DLGAP4: variants seen among roughly 807,000 people sequenced by gnomAD.
The protein encoded by DLGAP4 is DLG associated protein 4, also known as disks large-associated protein 4.
A neutral mutation model predicts 86.9 loss-of-function variants in DLGAP4; 18 were observed. The ratio of observed to expected loss-of-function variants is 0.21; its 90% CI spans 0.14 to 0.31. DLGAP4 has a LOEUF of 0.31. Ranked by LOEUF, DLGAP4 falls within the 10% of genes least tolerant of loss-of-function variation. The probability of loss-of-function intolerance (pLI) is 1.00; values close to 1 mark genes in which losing one functional copy is unlikely to be tolerated. For synonymous variants in DLGAP4, 548 were observed against 574.3 expected, an observed-to-expected ratio of 0.95 and a Z score of 0.65; for missense variants, 1,085 against 1,362.6, an observed-to-expected ratio of 0.80 and a Z score of 3.21.
At chr20:36,340,780 G>A (rs891726433) in intron 1 of DLGAP4, among the ~76,000 whole-genome samples, 7 of 152,206 alleles carry the variant, frequency 4.6e-5, no homozygotes, top group East Asian at 1.9e-4. Context: ...CTGGTCCCTC[G>A]GGGGGCTGTC....
At chr20:36,438,268 G>A (rs1255935814) in intron 4 of DLGAP4, among the ~76,000 whole-genome samples, 1 of 151,852 alleles carries the variant, frequency 6.6e-6, no homozygotes, top group African/African-American at 2.4e-5. Flanking sequence ...CAGCTACTAG[G>A]GAGGCTGAGG....
intron 7 of DLGAP4, among the ~76,000 whole-genome samples, chr20:36,463,861 A>G (rs550950701): frequency 6.6e-6 from 1 of 152,258 alleles, no homozygotes; most frequent in Admixed American, 6.5e-5. Flanking sequence ...TGGTGCAGGG[A>G]ATGAGATCAG....
intron 12 of DLGAP4, 109 bp from the exon 13 acceptor site, chr20:36,526,704 G>A (rs1053230811): frequency 4.2e-5 from 42 of 1,002,632 alleles, no homozygotes; most frequent in East Asian, 1.1e-4. Flanking sequence ...TGCCCGATGC[G>A]GGGAGGCTGG....
intron 1 of DLGAP4, among the ~76,000 whole-genome samples, chr20:36,365,533 C>G (rs1304178522): frequency 6.6e-6 from 1 of 152,178 alleles, no homozygotes; most frequent in African/African-American, 2.4e-5. Flanking sequence ...GCTGCATCGT[C>G]CTGGAGTCAG....
chr20:36,375,617 C>T (rs2031122842), intron 2 of DLGAP4, among the ~76,000 whole-genome samples: 1 of 152,164 alleles, frequency 6.6e-6, no homozygotes. Flanking sequence ...GAGGTAAGTG[C>T]TGATCACTCA....
In DLGAP4 at chr20:36,361,740, A is replaced by G. The variant is rs1175220027; in HGVS notation, c.-303-5305A>G. Among the ~76,000 whole-genome samples, 3 of 152,236 alleles carry G rather than the reference A, an allele frequency of 2.0e-5. No individual in the cohort carries two copies. In the East Asian group the frequency reaches 5.8e-4, roughly 29 times the overall value. The stretch of plus-strand genomic sequence containing the variant: ...GTAATGCCAGCACTTTGGGAGGCTG[A>G]GGCAGGTGGAGCACTTGAGGTCAGG... On this transcript the variant is annotated intron_variant, in intron 1 of 12. Coordinates refer to ENST00000339266, the MANE Select transcript of DLGAP4 (RefSeq NM_001365621.2).
intron 1 of DLGAP4, among the ~76,000 whole-genome samples, chr20:36,330,355 CAGGCTAGAGCCA>C (rs1232899913): frequency 2.0e-5 from 3 of 152,002 alleles, no homozygotes; most frequent in Non-Finnish European, 4.4e-5. Context: ...CTCTATGCCC[CAGGCTAGAGCCA>C]AGGTTGGACT....
chr20:36,432,786 T>C lies in DLGAP4; in HGVS notation c.999+70T>C. 6.5e-7 allele frequency: 1 copy of C among 1,547,812 alleles called. No individual in the cohort carries two copies. The highest frequency in any genetic ancestry group is 8.8e-7 in the Non-Finnish European group (1 of 1,140,432). Reference sequence around the variant, plus strand: ...CGGCACCAGTTTTGAGGCCTAGACGTACCACAGATTCACTTGGAAAGTCAC... The same window carrying C: ...CGGCACCAGTTTTGAGGCCTAGACGCACCACAGATTCACTTGGAAAGTCAC... On this transcript the variant is annotated intron_variant, in intron 3 of 12. Transcript: ENST00000339266. The surrounding 1 kb of genome is among the most constrained non-coding windows in gnomAD (Gnocchi z 6.5).
chr20:36,307,981 T>G (rs1372483550), intron 1 of DLGAP4, among the ~76,000 whole-genome samples: 2 of 152,224 alleles, frequency 1.3e-5, no homozygotes, highest in Admixed American at 6.5e-5. Context: ...AGGGTGGGGC[T>G]GCAGAGCTGG....
chr20:36,494,812 G>A (rs1394683739), intron 7 of DLGAP4, among the ~76,000 whole-genome samples: 1 of 151,944 alleles, frequency 6.6e-6, no homozygotes, highest in Non-Finnish European at 1.5e-5. Flanking sequence ...TGTTCTCTAG[G>A]TCATTTCAAG....
At chr20:36,488,851 C>T (rs1221866137) in intron 7 of DLGAP4, among the ~76,000 whole-genome samples, 6 of 152,196 alleles carry the variant, frequency 3.9e-5, no homozygotes, top group African/African-American at 7.2e-5. Context: ...GGATTACAGG[C>T]GTGAGCCACT....
intron 7 of DLGAP4, among the ~76,000 whole-genome samples, chr20:36,489,194 G>C (rs991606069): frequency 2.0e-5 from 3 of 152,194 alleles, no homozygotes; most frequent in East Asian, 1.9e-4. Flanking sequence ...TGTGTGTAGC[G>C]GGCACATGTC....
chr20:36,343,460 T>A (rs2065404874), intron 1 of DLGAP4, among the ~76,000 whole-genome samples: 1 of 152,282 alleles, frequency 6.6e-6, no homozygotes, highest in East Asian at 1.9e-4. Flanking sequence ...AACTTTATGA[T>A]GTGCTCAAGG....
chr20:36,525,078 C>A (rs1290288063), intron 11 of DLGAP4, among the ~76,000 whole-genome samples: 1 of 150,558 alleles, frequency 6.6e-6, no homozygotes, highest in Admixed American at 6.6e-5. Context: ...ATTAGCCAGG[C>A]GTAGTGGCGG....
rs2037843506 is a variant in DLGAP4, at chr20:36,527,537, G to C, written c.*506G>C. On this transcript the variant is annotated 3_prime_UTR_variant, in exon 13 of 13. Coordinates refer to ENST00000339266, the MANE Select transcript of DLGAP4 (RefSeq NM_001365621.2). The stretch of plus-strand genomic sequence containing the variant: ...ACAGTGGTCACCATTGTGGCAAGCG[G>C]CTTTCTGGGTCTCAGCCCTCTCTGC... 1 of 153,082 alleles carries C rather than the reference G, an allele frequency of 6.5e-6. No individual in the cohort carries two copies. Among genetic ancestry groups the C allele is most frequent in the African/African-American group, 2.4e-5 (1 of 41,444 alleles). 9.5% of individuals were successfully genotyped at this position (153,082 alleles called of 1,614,324 possible). A position where few individuals can be genotyped will look rare whatever the true frequency, so the allele number is the denominator to read the frequency against.
intron 7 of DLGAP4, among the ~76,000 whole-genome samples, chr20:36,464,992 T>C (rs2034277193): frequency 6.6e-6 from 1 of 152,194 alleles, no homozygotes; most frequent in Non-Finnish European, 1.5e-5. Context: ...AGTTTTCTTA[T>C]CTGGACTCAA....
At chr20:36,314,129 C>T (rs935216389) in intron 1 of DLGAP4, among the ~76,000 whole-genome samples, 55 of 151,922 alleles carry the variant, frequency 3.6e-4, no homozygotes, top group Non-Finnish European at 6.5e-4. Context: ...CCAGGGACAG[C>T]GTGCTGGGAG....
intron 2 of DLGAP4, among the ~76,000 whole-genome samples, chr20:36,391,584 T>G (rs1421484566): frequency 6.6e-6 from 1 of 152,196 alleles, no homozygotes; most frequent in Non-Finnish European, 1.5e-5. Flanking sequence ...AAACCCTGGC[T>G]GGGTGGAAGA....
In DLGAP4 at chr20:36,498,916, C is replaced by G. The variant is rs2036000534; in HGVS notation, c.2011-672C>G. 11 of 292,706 alleles carry G rather than the reference C, an allele frequency of 3.8e-5. No individual in the cohort carries two copies. The South Asian group carries it at 4.8e-4, about 13-fold the overall frequency. The allele number at this position is 292,706 out of a possible 1,614,324, so 18.1% of individuals were successfully genotyped here. A position where few individuals can be genotyped will look rare whatever the true frequency, so the allele number is the denominator to read the frequency against. On this transcript the variant is annotated intron_variant, in intron 8 of 12. Coordinates refer to ENST00000339266, the MANE Select transcript of DLGAP4 (RefSeq NM_001365621.2). ...GAGGGAGTGACAGCTTTCCACTTGG[C>G]CCTGACCCCAGTCCTTCCTACTGCT...
Sources: gnomAD v4.1 joint callset for allele counts (sites outside exome capture counted in the v4.1 genomes callset) on GRCh38, gnomAD v4.1.1 for gene constraint, Gnocchi (gnomAD v3.1) non-coding constraint, MANE v1.5 for transcripts, NCBI Gene and HGNC (gene_info 2026-07-23, HGNC 2026-07-21) for gene names.